The following NOD2 variants were observed in gnomAD, a reference collection of about 807,000 sequenced individuals.
NOD2 encodes nucleotide binding oligomerization domain containing 2, also known as nucleotide-binding oligomerization domain-containing protein 2.
A neutral mutation model predicts 90.9 loss-of-function variants in NOD2; 86 were observed. The ratio of observed to expected loss-of-function variants is 0.95; its 90% CI spans 0.79 to 1.13. The LOEUF is 1.13. Among genes scored for constraint, NOD2 ranks in the 50% most tolerant of loss-of-function variants. The probability of loss-of-function intolerance (pLI) is 0.00; values close to 1 mark genes in which losing one functional copy is unlikely to be tolerated. For missense variants in NOD2, 1,238 were observed against 1,283.8 expected (o/e 0.96, Z 0.55); for synonymous variants, 581 against 554.6 (o/e 1.05, Z -0.67).
intron 4 of NOD2, among the ~76,000 whole-genome samples, chr16:50,714,397 GA>G (rs1169045639): frequency 6.6e-6 from 1 of 152,150 alleles, no homozygotes; most frequent in Non-Finnish European, 1.5e-5. Context: ...TGGGGCCCAG[GA>G]AATCTATATT....
chr16:50,725,398 AT>A (rs1252135663), intron 9 of NOD2, 90 bp from the exon 10 acceptor site: 1 of 972,832 alleles, frequency 1.0e-6, no homozygotes, highest in African/African-American at 1.6e-5. Context: ...GGGTTTTCAG[AT>A]GTTGGATTTC....
chr16:50,727,911 A>G (rs1267096797), intron 10 of NOD2: 2 of 288,398 alleles, frequency 6.9e-6, no homozygotes, highest in African/African-American at 4.4e-5. Context: ...TTTGGTGCGA[A>G]TTTGCCTTTG....
intron 2 of NOD2, among the ~76,000 whole-genome samples, chr16:50,705,373 C>G (rs1964140584): frequency 6.6e-6 from 1 of 152,096 alleles, no homozygotes; most frequent in South Asian, 2.1e-4. Flanking sequence ...TGGCTTCTAT[C>G]TCCCACATTA....
intron 1 of NOD2, among the ~76,000 whole-genome samples, chr16:50,695,318 G>T (rs1963597978): frequency 6.6e-6 from 1 of 152,202 alleles, no homozygotes; most frequent in Non-Finnish European, 1.5e-5. Flanking sequence ...GTGTCGATAG[G>T]GTTTGGGGTG....
chr16:50,707,390 A>G (rs1370090384), intron 2 of NOD2, among the ~76,000 whole-genome samples: 2 of 152,220 alleles, frequency 1.3e-5, no homozygotes, highest in African/African-American at 4.8e-5. Flanking sequence ...GGAGGTGTTT[A>G]TGAAACTTTT....
chr16:50,712,311 C>A lies in NOD2; in HGVS notation c.2319C>A (p.Asn773Lys). 6.2e-7 allele frequency: 1 copy of A among 1,614,080 alleles called. No individual in the cohort carries two copies. Among genetic ancestry groups the A allele is most frequent in the Admixed American group, 1.7e-5 (1 of 60,030 alleles). The change falls in exon 4 of 12, where the codon AAC becomes AAA. Residue 773 changes from asparagine to lysine, a missense_variant. Physicochemically the swap from Asn to Lys is moderately conservative, Grantham distance 94. Around this residue, in one of 3 missense-constraint regions of NOD2, gnomAD observed 667 missense variants for 688.7 expected, o/e 0.97. Coordinates refer to ENST00000647318, the MANE Select transcript of NOD2 (RefSeq NM_001370466.1). ...CCGTGGCCCTGCAGCTGGACTACAA[C>A]TCTGTGGGTGACATTGGCGTGGAGC... ...RRPVALQLDY[N>K]SVGDIGVEQL...
chr16:50,712,033 C>T lies in NOD2; in HGVS notation c.2041C>T (p.Arg681Cys), dbSNP rs747241427. 3.4e-5 allele frequency: 55 copies of T among 1,613,186 alleles called. No individual in the cohort carries two copies. The highest frequency in any genetic ancestry group is 1.7e-4 in the Middle Eastern group (1 of 6,054). ...CCTGCTCCGGCGCCAGGCCTGTGCC[C>T]GCTGGTGTCTGGCCCGCAGCCTCCG... ...KALLRRQACARWCLARSLRKH... is the reference protein window; with the variant it reads ...KALLRRQACACWCLARSLRKH... The change falls in exon 4 of 12, where the codon CGC becomes TGC. Residue 681 changes from arginine to cysteine, a missense_variant. Physicochemically the swap from Arg to Cys is radical, Grantham distance 180 (BLOSUM62 -3). Transcript: ENST00000647318.
chr16:50,732,171 AGTGCCTTTTGGTGG>A lies in NOD2; in HGVS notation c.*353_*366del. On this transcript the variant is annotated 3_prime_UTR_variant, in exon 12 of 12. Transcript: ENST00000647318. ...GGCCCATGGATGTGCTTGTTAACTG[AGTGCCTTTTGGTGG>A]AGAGGCCCGGCCTCTCACAAAAGAC... 2.5e-6 allele frequency: 1 copy of A among 393,992 alleles called. No homozygotes were observed. The highest frequency in any genetic ancestry group is 4.9e-6 in the Non-Finnish European group (1 of 206,096). The allele number at this position is 393,992 out of a possible 1,614,324, so 24.4% of individuals were successfully genotyped here. A position where few individuals can be genotyped will look rare whatever the true frequency, so the allele number is the denominator to read the frequency against.
chr16:50,722,107 G>A (rs1046809294), intron 7 of NOD2, among the ~76,000 whole-genome samples: 2 of 152,242 alleles, frequency 1.3e-5, no homozygotes, highest in Non-Finnish European at 2.9e-5. Flanking sequence ...TCAAACTACA[G>A]TGAGTCAGAG....
chr16:50,698,929 CT>C (rs535158696), intron 1 of NOD2, among the ~76,000 whole-genome samples: 2,054 of 140,752 alleles, frequency 0.015, 16 homozygotes, highest in Middle Eastern at 0.029. Flanking sequence ...CTCTCTCTGT[CT>C]TTTTTTTTTT....
chr16:50,706,675 G>T (rs924205165), intron 2 of NOD2, among the ~76,000 whole-genome samples: 3 of 151,716 alleles, frequency 2.0e-5, no homozygotes, highest in African/African-American at 4.8e-5. Context: ...AAGAAAGAAT[G>T]AAACGTACCT....
chr16:50,716,515 TTTGGGGGATTTG>T (rs1964799586), intron 4 of NOD2, 60 bp from the exon 5 acceptor site: 11 of 1,382,972 alleles, frequency 8.0e-6, no homozygotes, highest in Non-Finnish European at 1.0e-5. Flanking sequence ...TGAAAGTCTT[TTTGGGGGATTTG>T]TAGATTTTTT....
At position 50,699,953 on chromosome 16, in the gene NOD2, G is replaced by A. The variant is rs1259750235; in HGVS notation, c.458G>A (p.Arg153Lys). 3.7e-6 allele frequency: 6 copies of A among 1,603,574 alleles called. No homozygotes were observed. Among genetic ancestry groups the A allele is most frequent in the Non-Finnish European group, 3.4e-6 (4 of 1,178,934 alleles). Residue 153 changes from arginine to lysine, a missense_variant and splice_region_variant, in exon 2 of 12, where the codon AGG becomes AAG. Transcript: ENST00000647318. The stretch of plus-strand genomic sequence containing the variant: ...TTGCCGATCTTCACACCGTCCCAGA[G>A]GGTGAGGCACTCCTGGTGTGCATCA... ...IRLPIFTPSQ[R>K]ARRLLDLATV...
chr16:50,705,259 T>C (rs1440177748), intron 2 of NOD2, among the ~76,000 whole-genome samples: 1 of 152,236 alleles, frequency 6.6e-6, no homozygotes, highest in Non-Finnish European at 1.5e-5. Context: ...ACATCTTCTT[T>C]GACTTAAGGA....
chr16:50,725,529 C>T lies in NOD2; in HGVS notation c.2842C>T (p.Leu948Phe), dbSNP rs1337759230. Residue 948 changes from leucine to phenylalanine, a missense_variant, in exon 10 of 12, where the codon CTC becomes TTC. Physicochemically the swap from Leu to Phe is conservative, Grantham distance 22. Transcript: ENST00000647318. ...NHLQDEGVCS[L>F]AEGLKKNSSL... ...TCTCCAGGATGAAGGTGTATGTTCT[C>T]TCGCAGAAGGACTGAAGAAAAATTC... is the stretch of plus-strand genomic sequence containing the variant. 7.4e-6 allele frequency: 12 copies of T among 1,613,994 alleles called. No individual in the cohort carries two copies. Among genetic ancestry groups the T allele is most frequent in the Admixed American group, 1.7e-5 (1 of 60,006 alleles).
intron 9 of NOD2, 80 bp downstream of exon 9, chr16:50,723,464 TG>T: frequency 7.9e-7 from 1 of 1,262,840 alleles, no homozygotes; most frequent in South Asian, 1.2e-5. Context: ...TAGGAGCGGT[TG>T]TGTGGACAGA....
chr16:50,708,835 G>A (rs1306913433), intron 3 of NOD2, among the ~76,000 whole-genome samples: 1 of 152,200 alleles, frequency 6.6e-6, no homozygotes, highest in South Asian at 2.1e-4. Flanking sequence ...CCTGGCACTC[G>A]CGAGTGCACC....
chr16:50,722,555 A>C, intron 7 of NOD2, 67 bp from the exon 8 acceptor site: 5 of 1,429,784 alleles, frequency 3.5e-6, no homozygotes, highest in Middle Eastern at 1.7e-4. Context: ...GAGGACTGTT[A>C]GTTCATGTCT....
intron 11 of NOD2, 54 bp from the exon 12 acceptor site, chr16:50,731,693 G>A (rs1185459942): frequency 1.5e-5 from 18 of 1,227,616 alleles, no homozygotes; most frequent in African/African-American, 4.4e-5. Context: ...TTGTTTGAAA[G>A]CCCTGCTCTA....
Sources: allele counts gnomAD v4.1 joint callset (sites outside exome capture counted in the v4.1 genomes callset), GRCh38; gene constraint gnomAD v4.1.1; regional missense constraint gnomAD v4.1.1; transcripts MANE v1.5; gene names NCBI Gene and HGNC (gene_info 2026-07-23, HGNC 2026-07-21).